Variants in DPP6 observed in about 807,000 individuals in gnomAD.
DPP6 encodes the protein A-type potassium channel modulatory protein DPP6.
In DPP6, 69 loss-of-function variants were observed where a neutral mutation model predicts 122.6. The observed-to-expected ratio is 0.56, with a 90% confidence interval of 0.46 to 0.69. The LOEUF (loss-of-function observed/expected upper bound fraction) is 0.69. Among genes scored for constraint, DPP6 ranks in the 30% least tolerant of loss-of-function variants. The pLI is 0.00. For missense variants in DPP6, 928 were observed against 1,116.9 expected (o/e 0.83, Z 2.41); for synonymous variants, 418 against 433.1 (o/e 0.97, Z 0.43).
chr7:154,801,033 T>C (rs551845407), intron 12 of DPP6, among the ~76,000 whole-genome samples: 18 of 151,904 alleles, frequency 1.2e-4, no homozygotes, highest in Non-Finnish European at 2.4e-4. Flanking sequence ...GAGAGCAGAG[T>C]TCCTGTTCTC....
At chr7:153,925,339 A>T (rs964645550) in intron 1 of DPP6, among the ~76,000 whole-genome samples, 1 of 151,290 alleles carries the variant, frequency 6.6e-6, no homozygotes, top group African/African-American at 2.4e-5. Context: ...AAGAGAGATC[A>T]TCCTGCATGG....
Position 154,564,919 on chromosome 7 carries a change from C to T in DPP6, c.553-1923C>T, listed in dbSNP as rs545496800. ...TGAACAACTGTCCTTTTCTGTTGTT[C>T]TATTTGGTGCTCCATTTTTTTGCAT... On this transcript the variant is annotated intron_variant, in intron 4 of 25. Coordinates refer to ENST00000377770, the MANE Select transcript of DPP6 (RefSeq NM_130797.4). 9.2e-5 allele frequency among the ~76,000 whole-genome samples: 14 copies of T among 152,256 alleles called. No homozygotes were observed. In the South Asian group the frequency reaches 2.9e-3, roughly 32 times the overall value.
chr7:154,071,298 G>A (rs2150508947), intron 1 of DPP6, among the ~76,000 whole-genome samples: 1 of 152,274 alleles, frequency 6.6e-6, no homozygotes, highest in South Asian at 2.1e-4. Flanking sequence ...CCTTGTGTGG[G>A]AGGTTTCATT....
chr7:154,042,058 C>G (rs1272444807), intron 1 of DPP6, among the ~76,000 whole-genome samples: 1 of 152,096 alleles, frequency 6.6e-6, no homozygotes, highest in Non-Finnish European at 1.5e-5. Flanking sequence ...CGCCTGGCCT[C>G]TTCTCATGGT....
the DPP6 span, among the ~76,000 whole-genome samples, chr7:153,843,155 CAT>C: frequency 6.6e-6 from 1 of 152,092 alleles, no homozygotes; most frequent in East Asian, 1.9e-4. Context: ...CGTGCATGCA[CAT>C]ATGTGCATAC....
the DPP6 span, among the ~76,000 whole-genome samples, chr7:153,815,530 C>G: frequency 6.6e-6 from 1 of 151,916 alleles, no homozygotes; most frequent in Non-Finnish European, 1.5e-5. Context: ...CCCCCCACCC[C>G]ACAGCAGTCC....
intron 1 of DPP6, among the ~76,000 whole-genome samples, chr7:154,278,935 GTGTT>G (rs546380458): frequency 3.4e-4 from 51 of 152,018 alleles, no homozygotes; most frequent in African/African-American, 1.1e-3. Context: ...GTATGTATGT[GTGTT>G]TGTTGTGTGG....
chr7:153,791,936 T>G, the DPP6 span, among the ~76,000 whole-genome samples: 2 of 152,244 alleles, frequency 1.3e-5, no homozygotes, highest in Non-Finnish European at 2.9e-5. Context: ...AATGGCAGAC[T>G]GAGGATCTGT....
chr7:154,662,980 C>T (rs1348425647), intron 6 of DPP6, among the ~76,000 whole-genome samples: 3 of 68,158 alleles, frequency 4.4e-5, no homozygotes, highest in African/African-American at 4.0e-5. Flanking sequence ...CATGGTGAAT[C>T]ACCATGGTGT....
intron 1 of DPP6, among the ~76,000 whole-genome samples, chr7:154,435,508 T>C (rs1190775270): frequency 2.0e-5 from 3 of 152,234 alleles, no homozygotes; most frequent in African/African-American, 7.2e-5. Flanking sequence ...TTGGCTTTTA[T>C]CACCTTTGTG....
At chr7:154,301,880 C>G (rs1805932341) in intron 1 of DPP6, among the ~76,000 whole-genome samples, 1 of 142,402 alleles carries the variant, frequency 7.0e-6, no homozygotes, top group South Asian at 2.3e-4. Flanking sequence ...TGCAGTGGTG[C>G]AATCTCGGCT....
intron 1 of DPP6, among the ~76,000 whole-genome samples, chr7:154,440,481 C>T (rs1389938593): frequency 6.6e-6 from 1 of 152,218 alleles, no homozygotes; most frequent in Non-Finnish European, 1.5e-5. Context: ...TTAGGGTCCT[C>T]TTGCTCCAAC....
At chr7:154,451,108 A>C (rs1322793954) in intron 2 of DPP6, among the ~76,000 whole-genome samples, 1 of 152,134 alleles carries the variant, frequency 6.6e-6, no homozygotes, top group Non-Finnish European at 1.5e-5. Context: ...CATGCCTGTA[A>C]TCCCAGCACT....
chr7:154,262,254 A>G (rs1329146776), intron 1 of DPP6, among the ~76,000 whole-genome samples: 1 of 152,138 alleles, frequency 6.6e-6, no homozygotes, highest in African/African-American at 2.4e-5. Flanking sequence ...CCAGATTCAT[A>G]TGTTGAAGAG....
intron 3 of DPP6, among the ~76,000 whole-genome samples, chr7:154,520,921 C>T (rs568853926): frequency 1.3e-5 from 2 of 152,244 alleles, no homozygotes; most frequent in African/African-American, 2.4e-5. Flanking sequence ...TAGCATGTAC[C>T]GGACAATGCC....
At chr7:153,840,778 G>C in the DPP6 span, among the ~76,000 whole-genome samples, 21 of 152,254 alleles carry the variant, frequency 1.4e-4, no homozygotes, top group South Asian at 4.1e-4. Flanking sequence ...TTCTACCTAG[G>C]ACTCAGTAAC....
chr7:154,513,357 A>G lies in DPP6; in HGVS notation c.458-27175A>G, dbSNP rs114071715. On this transcript the variant is annotated intron_variant, in intron 3 of 25. Coordinates refer to ENST00000377770, the MANE Select transcript of DPP6 (RefSeq NM_130797.4). Reference sequence around the variant, plus strand: ...AAATGTAGCTAGAGGAGGCTTTACCAGAAAAGCTAATTGCCCCAAACTTTC... The same window carrying G: ...AAATGTAGCTAGAGGAGGCTTTACCGGAAAAGCTAATTGCCCCAAACTTTC... Among the ~76,000 whole-genome samples the G allele has an allele frequency of 7.7e-3, 1,172 of 152,334 alleles. 17 individuals carry two copies. The highest frequency in any genetic ancestry group is 0.026 in the African/African-American group (1,090 of 41,584).
intron 1 of DPP6, among the ~76,000 whole-genome samples, chr7:154,096,687 A>G (rs1805343900): frequency 6.6e-6 from 1 of 152,204 alleles, no homozygotes; most frequent in Admixed American, 6.5e-5. Flanking sequence ...AAAATCTAAA[A>G]CTACATATAG....
chr7:154,074,011 G>A (rs1308089752), intron 1 of DPP6, among the ~76,000 whole-genome samples: 1 of 127,860 alleles, frequency 7.8e-6, no homozygotes, highest in Admixed American at 8.3e-5. Flanking sequence ...ATGTATGTAT[G>A]TATGTATGTA....
Sources: allele counts gnomAD v4.1 joint callset (sites outside exome capture counted in the v4.1 genomes callset), GRCh38; gene constraint gnomAD v4.1.1; transcripts MANE v1.5; gene names NCBI Gene and HGNC (gene_info 2026-07-23, HGNC 2026-07-21).